The following PCDHGA4 variants were observed in gnomAD, a reference collection of about 807,000 sequenced individuals.
PCDHGA4 encodes the protein protocadherin gamma subfamily A, 4, also known as protocadherin gamma-A4.
Under a neutral mutation model 54.6 loss-of-function variants are expected in PCDHGA4, and 38 were observed. The ratio of observed to expected loss-of-function variants is 0.70; its 90% CI spans 0.54 to 0.91. The LOEUF is 0.91. PCDHGA4 is among the 40% of genes least tolerant of loss of function. The probability of loss-of-function intolerance (pLI) is 0.00; values close to 1 mark genes in which losing one functional copy is unlikely to be tolerated. For synonymous variants in PCDHGA4, 511 were observed against 512.9 expected (o/e 1.00, Z 0.05); for missense variants, 1,298 against 1,220.9 (o/e 1.06, Z -0.94).
rs529966095 is a variant in PCDHGA4 at position 141,499,776 on chromosome 5, TC to T, written c.2573+4914del. 3.7e-3 allele frequency among the ~76,000 whole-genome samples: 528 copies of T among 141,410 alleles called. 6 individuals carry two copies. Among genetic ancestry groups the T allele is most frequent in the Non-Finnish European group, 4.2e-3 (282 of 66,550 alleles). The allele number at this position is 141,410 out of a possible 152,430, so 92.8% of individuals were successfully genotyped here. ...ATCTCAGCTCACTGCAGCCTTCGCCTCCCGGGTTCAAGCAATTCTCATGCTT... is the reference window on the plus strand; with the variant it reads ...ATCTCAGCTCACTGCAGCCTTCGCCTCCGGGTTCAAGCAATTCTCATGCTT... On this transcript the variant is annotated intron_variant, in intron 2 of 3. Coordinates refer to ENST00000571252, the MANE Select transcript of PCDHGA4 (RefSeq NM_018917.4).
chr5:141,383,036 G>T, intron 1 of PCDHGA4: 1 of 1,613,876 alleles, frequency 6.2e-7, no homozygotes, highest in Non-Finnish European at 8.5e-7. Flanking sequence ...TCCTTTGTGG[G>T]AGACATCGCC....
In PCDHGA4 at chr5:141,393,936, G is replaced by A. The variant is rs766829273; in HGVS notation, c.2514+36315G>A. On this transcript the variant is annotated intron_variant, in intron 1 of 3. Transcript: ENST00000571252. ...TGCCTTCTTGAGTGTGCATGACCAA[G>A]ACTCTGGAAAGAATGGTCAAGTTGT... 3 of 1,613,922 alleles carry A rather than the reference G, an allele frequency of 1.9e-6. No homozygotes were observed. In the Admixed American group the frequency reaches 5.0e-5, roughly 27 times the overall value.
At chr5:141,473,809 A>C (rs1230574978) in intron 1 of PCDHGA4, among the ~76,000 whole-genome samples, 2 of 152,242 alleles carry the variant, frequency 1.3e-5, no homozygotes, top group East Asian at 3.8e-4. Flanking sequence ...ACTGAGGAGC[A>C]GCTGGACAAT....
Position 141,355,950 on chromosome 5 carries a change from T to A in PCDHGA4, c.843T>A (p.Ser281Arg). 6.2e-7 allele frequency: 1 copy of A among 1,613,924 alleles called. No individual in the cohort carries two copies. Among genetic ancestry groups the A allele is most frequent in the Non-Finnish European group, 8.5e-7 (1 of 1,179,860 alleles). Residue 281 changes from serine (S) to arginine (R), a missense_variant, in exon 1 of 4, where the codon AGT becomes AGA. By Grantham distance (110) the Ser-to-Arg change is moderately radical. Transcript: ENST00000571252. The stretch of plus-strand genomic sequence containing the variant: ...TCACTCAGCCCGAGTACCACGTAAG[T>A]GTTCGTGAGAACGTTCCTGTAGGCA... ...PVFTQPEYHV[S>R]VRENVPVGTR...
chr5:141,394,789 C>G (rs747304715), intron 1 of PCDHGA4: 1 of 1,613,728 alleles, frequency 6.2e-7, no homozygotes, highest in Non-Finnish European at 8.5e-7. Context: ...GCCACTGTCA[C>G]GCTCACCGTA....
In PCDHGA4 at chr5:141,462,417, A is replaced by G. The variant is rs184240612; in HGVS notation, c.2515-32390A>G. 4.0e-4 allele frequency among the ~76,000 whole-genome samples: 61 copies of G among 152,300 alleles called. 1 individual carries two copies. The highest frequency in any genetic ancestry group is 3.2e-3 in the Admixed American group (49 of 15,300). ...TCTTTTATGGCACAGAATATGGTCT[A>G]TCTTGGTGAGTGTTGCTTACACACA... On this transcript the variant is annotated intron_variant, in intron 1 of 3. Transcript: ENST00000571252.
Position 141,450,830 on chromosome 5 carries a change from T to TTA in PCDHGA4, c.2515-43976_2515-43975insAT, listed in dbSNP as rs200967731. 4.3e-3 allele frequency among the ~76,000 whole-genome samples: 438 copies of TTA among 101,540 alleles called. 3 individuals carry two copies. Among genetic ancestry groups the TTA allele is most frequent in the African/African-American group, 0.015 (349 of 23,046 alleles). 66.6% of individuals were successfully genotyped at this position (101,540 alleles called of 152,430 possible). ...TATTTATTTAATATTATTATTATTA[T>TTA]TTTTTTTTTTTTGAGATGGGGTCTT... On this transcript the variant is annotated intron_variant, in intron 1 of 3. Transcript: ENST00000571252.
At position 141,393,913 on chromosome 5, in the gene PCDHGA4, C is replaced by T. The variant is rs1170452204; in HGVS notation, c.2514+36292C>T. ...AATTCTCTTCCCGGGACAGTAATTG[C>T]CTTCTTGAGTGTGCATGACCAAGAC... On this transcript the variant is annotated intron_variant, in intron 1 of 3. Coordinates refer to ENST00000571252, the MANE Select transcript of PCDHGA4 (RefSeq NM_018917.4). 3.1e-6 allele frequency: 5 copies of T among 1,613,780 alleles called. No homozygotes were observed. The South Asian group carries it at 3.3e-5, about 11-fold the overall frequency.
chr5:141,419,358 C>A (rs569760413), intron 1 of PCDHGA4: 1 of 1,613,810 alleles, frequency 6.2e-7, no homozygotes, highest in South Asian at 1.1e-5. Flanking sequence ...GAGTCACGAA[C>A]GCTGTCGTCC....
rs1352437587 is a variant in PCDHGA4 at position 141,389,683 on chromosome 5, C to T, written c.2514+32062C>T. The stretch of plus-strand genomic sequence containing the variant: ...GTGGACGCAGACTCAGGACACAACG[C>T]CTGGCTGTCCTACCACGTGCTGCAG... On this transcript the variant is annotated intron_variant, in intron 1 of 3. Coordinates refer to ENST00000571252, the MANE Select transcript of PCDHGA4 (RefSeq NM_018917.4). 14 of 1,612,374 alleles carry T rather than the reference C, an allele frequency of 8.7e-6. No individual in the cohort carries two copies. In the Admixed American group the frequency reaches 2.3e-4, roughly 27 times the overall value.
chr5:141,415,067 G>A, intron 1 of PCDHGA4: 1 of 1,613,398 alleles, frequency 6.2e-7, no homozygotes, highest in Non-Finnish European at 8.5e-7. Context: ...GGCGAGGTGC[G>A]CACGGCGCGA....
chr5:141,487,933 A>ACCCTGTG lies in PCDHGA4; in HGVS notation c.2515-6873_2515-6872insCCTGTGC. 1.6e-6 allele frequency: 1 copy of ACCCTGTG among 612,004 alleles called. No individual in the cohort carries two copies. The highest frequency in any genetic ancestry group is 1.8e-5 in the African/African-American group (1 of 54,216). The allele number at this position is 612,004 out of a possible 1,614,324, so 37.9% of individuals were successfully genotyped here. On this transcript the variant is annotated intron_variant, in intron 1 of 3. Coordinates refer to ENST00000571252, the MANE Select transcript of PCDHGA4 (RefSeq NM_018917.4). The surrounding 1 kb of genome is among the most constrained non-coding windows in gnomAD (Gnocchi z 5.0). ...CACAGGAGGCTACAGTGCACAGGGT[A>ACCCTGTG]CAGTGCACCAGGCAGTCACTTGGAC... is the stretch of plus-strand genomic sequence containing the variant.
At chr5:141,383,213 A>C in intron 1 of PCDHGA4, 1 of 1,614,012 alleles carries the variant, frequency 6.2e-7, no homozygotes, top group Non-Finnish European at 8.5e-7. Flanking sequence ...TGTCTGGTAA[A>C]CTTTAACATC....
chr5:141,364,904 C>G (rs748515825), intron 1 of PCDHGA4: 19 of 1,613,876 alleles, frequency 1.2e-5, no homozygotes, highest in Non-Finnish European at 1.7e-6. Flanking sequence ...ACAAAAGTAT[C>G]CGGAGCTGGT....
Position 141,476,464 on chromosome 5 carries a change from G to A in PCDHGA4, c.2515-18343G>A, listed in dbSNP as rs745664477. On this transcript the variant is annotated intron_variant, in intron 1 of 3. Transcript: ENST00000571252. This position sits in a 1 kb window ranked among gnomAD's most constrained non-coding sequence, Gnocchi z 7.6. ...TGGAGTTGGTAGTGGAGAACCCGCT[G>A]GAGCTGTTCAGCGTGGAAGTGGTGA... 3 of 1,614,140 alleles carry A rather than the reference G, an allele frequency of 1.9e-6. No homozygotes were observed. Among genetic ancestry groups the A allele is most frequent in the Non-Finnish European group, 2.5e-6 (3 of 1,180,014 alleles).
chr5:141,476,142 G>T lies in PCDHGA4; in HGVS notation c.2515-18665G>T. 6.2e-7 allele frequency: 1 copy of T among 1,610,446 alleles called. No individual in the cohort carries two copies. Among genetic ancestry groups the T allele is most frequent in the South Asian group, 1.1e-5 (1 of 90,868 alleles). On this transcript the variant is annotated intron_variant, in intron 1 of 3. Coordinates refer to ENST00000571252, the MANE Select transcript of PCDHGA4 (RefSeq NM_018917.4). The surrounding 1 kb of genome is among the most constrained non-coding windows in gnomAD (Gnocchi z 7.6). Reference sequence around the variant, plus strand: ...ATGGTCCCAGAGGCCTGGAGGAGCGGACTGGTAAGCACCGGGAGGGTAGTG... The same window carrying T: ...ATGGTCCCAGAGGCCTGGAGGAGCGTACTGGTAAGCACCGGGAGGGTAGTG...
intron 1 of PCDHGA4, chr5:141,359,986 G>A: frequency 4.4e-6 from 4 of 913,920 alleles, no homozygotes; most frequent in Non-Finnish European, 6.1e-6. Context: ...CTCTTAGAGG[G>A]GAACTTCCTG....
Position 141,491,401 on chromosome 5 carries a change from G to A in PCDHGA4, c.2515-3406G>A. The A allele has an allele frequency of 6.2e-7, 1 of 1,614,100 alleles. No homozygotes were observed. ...GTCAGCGAAGTGCCTTCAGGGAAAC[G>A]CAGACGGGGACGGGGGTGGAGGGCA... On this transcript the variant is annotated intron_variant, in intron 1 of 3. Transcript: ENST00000571252. This position sits in a 1 kb window ranked among gnomAD's most constrained non-coding sequence, Gnocchi z 6.9.
At position 141,494,880 on chromosome 5, in the gene PCDHGA4, C is replaced by G. The variant is rs950094823; in HGVS notation, c.2573+15C>G. On this transcript the variant is annotated intron_variant, in intron 2 of 3. Transcript: ENST00000571252. ...GGCACCAGCGGGTAGGTGACTGATT[C>G]TCCAGCCCACCCTCTTCTCTGCGGC... The G allele has an allele frequency of 3.7e-6, 6 of 1,614,040 alleles. No individual in the cohort carries two copies. The African/African-American group carries it at 6.7e-5, about 18-fold the overall frequency.
Sources: allele counts gnomAD v4.1 joint callset (sites outside exome capture counted in the v4.1 genomes callset), GRCh38; gene constraint gnomAD v4.1.1; non-coding constraint Gnocchi (gnomAD v3.1); transcripts MANE v1.5; gene names NCBI Gene and HGNC (gene_info 2026-07-23, HGNC 2026-07-21).